ARHGEF7: variants seen among roughly 807,000 people sequenced by gnomAD.
The protein encoded by ARHGEF7 is Rho guanine nucleotide exchange factor 7.
A neutral mutation model predicts 109.8 loss-of-function variants in ARHGEF7; 33 were observed. The ratio of observed to expected loss-of-function variants is 0.30; its 90% confidence interval spans 0.23 to 0.40. ARHGEF7 has a LOEUF of 0.40. ARHGEF7 is among the 10% of genes least tolerant of loss of function. The pLI, the probability that ARHGEF7 is intolerant of heterozygous loss-of-function variation, is 1.00. For synonymous variants in ARHGEF7, 458 were observed against 424.6 expected (o/e 1.08, Z -0.97); for missense variants, 938 against 1,098.5 (o/e 0.85, Z 2.07).
chr13:111,176,249 G>T (rs2078151441), intron 2 of ARHGEF7, among the ~76,000 whole-genome samples: 3 of 152,202 alleles, frequency 2.0e-5, no homozygotes, highest in Admixed American at 1.3e-4. Flanking sequence ...TTTTAAGCCT[G>T]ATCTTTTACC....
intron 2 of ARHGEF7, among the ~76,000 whole-genome samples, chr13:111,158,395 A>G (rs573870587): frequency 6.6e-6 from 1 of 152,262 alleles, no homozygotes; most frequent in African/African-American, 2.4e-5. Context: ...CTTTCTTGTC[A>G]TAGACCATTT....
At chr13:111,268,290 C>T (rs1189823184) in intron 9 of ARHGEF7, among the ~76,000 whole-genome samples, 1 of 152,144 alleles carries the variant, frequency 6.6e-6, no homozygotes, top group East Asian at 1.9e-4. Context: ...GAGGAGACCA[C>T]ACCGGGGCTT....
intron 1 of ARHGEF7, among the ~76,000 whole-genome samples, chr13:111,121,810 C>T (rs182044215): frequency 6.6e-6 from 1 of 152,304 alleles, no homozygotes; most frequent in Non-Finnish European, 1.5e-5. Flanking sequence ...CTTCCGGCAC[C>T]TGTCTAACCT....
At chr13:111,126,450 A>G (rs2067565876) in intron 1 of ARHGEF7, among the ~76,000 whole-genome samples, 1 of 151,584 alleles carries the variant, frequency 6.6e-6, no homozygotes, top group Admixed American at 6.6e-5. Flanking sequence ...AGATCGTGCC[A>G]CTGCACTCCA....
intron 2 of ARHGEF7, among the ~76,000 whole-genome samples, chr13:111,171,288 A>G (rs530989637): frequency 7.2e-5 from 11 of 152,258 alleles, no homozygotes; most frequent in Admixed American, 6.5e-4. Context: ...AACCATAAAG[A>G]TTTGAGGTAT....
intron 16 of ARHGEF7, among the ~76,000 whole-genome samples, chr13:111,284,695 G>A (rs2092941183): frequency 6.6e-6 from 1 of 152,208 alleles, no homozygotes; most frequent in Admixed American, 6.5e-5. Context: ...GGCTCACACC[G>A]AGCAGCTGCC....
chr13:111,126,360 G>C (rs1047817687), intron 1 of ARHGEF7, among the ~76,000 whole-genome samples: 4 of 152,004 alleles, frequency 2.6e-5, no homozygotes, highest in Non-Finnish European at 5.9e-5. Flanking sequence ...CATGATGGCG[G>C]GTGCCTGTAA....
chr13:111,153,539 G>A (rs1277744558), intron 1 of ARHGEF7: 17 of 841,504 alleles, frequency 2.0e-5, no homozygotes, highest in African/African-American at 1.7e-4. Context: ...GCCAGAGGAG[G>A]TGGCAGCTCG....
intron 1 of ARHGEF7, among the ~76,000 whole-genome samples, chr13:111,126,942 A>G (rs1435531508): frequency 6.6e-6 from 1 of 152,364 alleles, no homozygotes; most frequent in East Asian, 1.9e-4. Flanking sequence ...AATAAAGAAC[A>G]GAATGGAGAT....
chr13:111,183,405 A>G (rs1476652374), intron 2 of ARHGEF7, among the ~76,000 whole-genome samples: 12 of 150,344 alleles, frequency 8.0e-5, no homozygotes, highest in African/African-American at 2.9e-4. Context: ...ATTTTTTTCT[A>G]TTTCTCTCAG....
chr13:111,277,833 G>A (rs2092574441), intron 13 of ARHGEF7, among the ~76,000 whole-genome samples, 160 bp downstream of exon 13: 1 of 152,150 alleles, frequency 6.6e-6, no homozygotes. Context: ...TTTGTGTTTC[G>A]TTGTGACTGC....
intron 5 of ARHGEF7, among the ~76,000 whole-genome samples, chr13:111,219,258 A>G (rs1164606905): frequency 1.3e-5 from 2 of 152,082 alleles, no homozygotes; most frequent in Admixed American, 6.5e-5. Context: ...AAGTGCAGTC[A>G]TTTTGTCTTT....
chr13:111,208,291 C>T (rs941018695), intron 3 of ARHGEF7, among the ~76,000 whole-genome samples: 3 of 152,218 alleles, frequency 2.0e-5, no homozygotes, highest in African/African-American at 7.2e-5. Flanking sequence ...CCACCAGCCT[C>T]TGCCTCCCTA....
intron 13 of ARHGEF7, among the ~76,000 whole-genome samples, chr13:111,278,070 G>A (rs534296243): frequency 1.3e-5 from 2 of 152,296 alleles, no homozygotes; most frequent in South Asian, 2.1e-4. Flanking sequence ...TCAGTGGCAC[G>A]GCACCGCCCA....
At chr13:111,302,536 G>T (rs1054707648) in intron 21 of ARHGEF7, among the ~76,000 whole-genome samples, 1 of 152,196 alleles carries the variant, frequency 6.6e-6, no homozygotes, top group African/African-American at 2.4e-5. Context: ...GCATCTGTTT[G>T]TGCATGCCTC....
At chr13:111,141,454 C>T (rs951882680) in intron 1 of ARHGEF7, among the ~76,000 whole-genome samples, 5 of 151,978 alleles carry the variant, frequency 3.3e-5, no homozygotes, top group East Asian at 1.9e-4. Context: ...GGGGAAGTGT[C>T]GCACAGCTTC....
At chr13:111,280,144 C>T (rs2092703792) in intron 13 of ARHGEF7, 128 bp from the exon 14 acceptor site, 1 of 937,750 alleles carries the variant, frequency 1.1e-6, no homozygotes, top group African/African-American at 1.7e-5. Flanking sequence ...TACAAATGAG[C>T]TTTTTTTGGT....
At chr13:111,146,838 G>C (rs954175628) in intron 1 of ARHGEF7, among the ~76,000 whole-genome samples, 1 of 152,142 alleles carries the variant, frequency 6.6e-6, no homozygotes, top group South Asian at 2.1e-4. Flanking sequence ...TGACCTTAAT[G>C]TTGCTTTGTG....
chr13:111,287,555 A>G (rs944508071), intron 17 of ARHGEF7, among the ~76,000 whole-genome samples: 2 of 152,202 alleles, frequency 1.3e-5, no homozygotes, highest in Non-Finnish European at 2.9e-5. Context: ...CAAGTGAACA[A>G]TGTGTGGGCC....
Sources: gnomAD v4.1 joint callset for allele counts (sites outside exome capture counted in the v4.1 genomes callset) on GRCh38, gnomAD v4.1.1 for gene constraint, MANE v1.5 for transcripts, NCBI Gene and HGNC (gene_info 2026-07-23, HGNC 2026-07-21) for gene names.